MACROD2: variants seen among roughly 807,000 people sequenced by gnomAD.
MACROD2 encodes mono-ADP ribosylhydrolase 2.
A neutral mutation model predicts 70.4 loss-of-function variants in MACROD2; 36 were observed. The ratio of observed to expected loss-of-function variants is 0.51; its 90% CI spans 0.39 to 0.68. The LOEUF (loss-of-function observed/expected upper bound fraction) is 0.68, where lower values mean the gene tolerates loss of function less well. Among genes scored for constraint, MACROD2 ranks in the 30% least tolerant of loss-of-function variants. The pLI is 0.00. For synonymous variants in MACROD2, 172 were observed against 178.8 expected (o/e 0.96, Z 0.30); for missense variants, 496 against 538.4 (o/e 0.92, Z 0.78).
At chr20:15,897,971 A>C (rs6135594) in intron 10 of MACROD2, among the ~76,000 whole-genome samples, 8,041 of 152,256 alleles carry the variant, frequency 0.053, 370 homozygotes, top group East Asian at 0.24. Flanking sequence ...TTTCTAAGAT[A>C]CCTGAAGATA....
At chr20:14,545,059 C>T (rs1176244704) in intron 4 of MACROD2, among the ~76,000 whole-genome samples, 1 of 152,096 alleles carries the variant, frequency 6.6e-6, no homozygotes, top group Non-Finnish European at 1.5e-5. Flanking sequence ...ACGATGAGAC[C>T]ACTTGATGAA....
intron 4 of MACROD2, among the ~76,000 whole-genome samples, chr20:14,623,715 C>T (rs1983967289): frequency 6.6e-6 from 1 of 152,118 alleles, no homozygotes; most frequent in Non-Finnish European, 1.5e-5. Flanking sequence ...TGGTAGCCAT[C>T]CTCTGTTGTC....
chr20:15,709,180 AG>A (rs2146912059), intron 8 of MACROD2, among the ~76,000 whole-genome samples: 1 of 152,214 alleles, frequency 6.6e-6, no homozygotes, highest in South Asian at 2.1e-4. Context: ...CATGCAGAGG[AG>A]GAACCACCAG....
At chr20:15,198,763 T>C (rs2076628957) in intron 5 of MACROD2, among the ~76,000 whole-genome samples, 1 of 152,180 alleles carries the variant, frequency 6.6e-6, no homozygotes, top group Non-Finnish European at 1.5e-5. Context: ...AATTTACATT[T>C]ACAAAGTTAT....
At chr20:14,259,431 A>G (rs2082084525) in intron 3 of MACROD2, among the ~76,000 whole-genome samples, 1 of 152,038 alleles carries the variant, frequency 6.6e-6, no homozygotes, top group African/African-American at 2.4e-5. Flanking sequence ...ATCCTTTGGG[A>G]GCTATTTTGC....
At chr20:15,566,385 C>T (rs180930947) in intron 8 of MACROD2, among the ~76,000 whole-genome samples, 3 of 151,504 alleles carry the variant, frequency 2.0e-5, no homozygotes, top group Admixed American at 1.3e-4. Flanking sequence ...GTAATCCCAG[C>T]TACTCGGGAG....
intron 8 of MACROD2, among the ~76,000 whole-genome samples, chr20:15,738,325 T>C (rs2051055349): frequency 6.6e-6 from 1 of 151,952 alleles, no homozygotes; most frequent in Non-Finnish European, 1.5e-5. Context: ...ACACCTACTA[T>C]GTAAAAAAGA....
intron 5 of MACROD2, among the ~76,000 whole-genome samples, chr20:15,044,286 C>G (rs923905979): frequency 2.0e-5 from 3 of 152,152 alleles, no homozygotes; most frequent in Admixed American, 6.5e-5. Flanking sequence ...CTTCTTACTC[C>G]TATCACTCAG....
intron 8 of MACROD2, among the ~76,000 whole-genome samples, chr20:15,756,790 A>G (rs1449998566): frequency 1.3e-5 from 2 of 152,336 alleles, no homozygotes; most frequent in Admixed American, 1.3e-4. Context: ...AGTCTTTACT[A>G]TTAAGGTGAG....
At chr20:14,083,873 G>A (rs1467670547) in intron 2 of MACROD2, among the ~76,000 whole-genome samples, 1 of 151,540 alleles carries the variant, frequency 6.6e-6, no homozygotes, top group African/African-American at 2.4e-5. Context: ...GAGGTCAGGA[G>A]ATGGAGACCA....
At chr20:14,333,937 T>C (rs2122627534) in intron 3 of MACROD2, among the ~76,000 whole-genome samples, 1 of 152,328 alleles carries the variant, frequency 6.6e-6, no homozygotes, top group South Asian at 2.1e-4. Context: ...CCTCGGTAAC[T>C]TGTGCACATG....
chr20:14,703,893 A>AT (rs1445284860), intron 5 of MACROD2, among the ~76,000 whole-genome samples: 2 of 151,508 alleles, frequency 1.3e-5, no homozygotes, highest in Non-Finnish European at 1.5e-5. Context: ...CACCTGGCTA[A>AT]TTTTTTGTAT....
chr20:15,522,863 G>T (rs2047671416), intron 8 of MACROD2, among the ~76,000 whole-genome samples: 1 of 152,166 alleles, frequency 6.6e-6, no homozygotes, highest in South Asian at 2.1e-4. Flanking sequence ...CTAGGAGACG[G>T]AGAGTTTTAT....
chr20:15,280,958 G>T (rs8121188), intron 6 of MACROD2: 13,006 of 152,282 alleles, frequency 0.085, 705 homozygotes, highest in African/African-American at 0.14. Flanking sequence ...TCATAGTTTT[G>T]CATTGCTAGG....
intron 10 of MACROD2, among the ~76,000 whole-genome samples, chr20:15,921,058 A>G (rs1237501757): frequency 1.3e-5 from 2 of 152,040 alleles, no homozygotes; most frequent in African/African-American, 4.8e-5. Context: ...TGGGTCTTTC[A>G]TGCTATTACA....
At chr20:14,650,660 A>G (rs892623546) in intron 4 of MACROD2, among the ~76,000 whole-genome samples, 64 of 152,342 alleles carry the variant, frequency 4.2e-4, no homozygotes, top group African/African-American at 1.4e-3. Flanking sequence ...CATAACCTTA[A>G]TGGAGATTAG....
chr20:14,614,066 A>G (rs1983326990), intron 4 of MACROD2, among the ~76,000 whole-genome samples: 1 of 152,124 alleles, frequency 6.6e-6, no homozygotes, highest in Admixed American at 6.6e-5. Context: ...AAATTAGTTT[A>G]CTTTTCATGC....
intron 8 of MACROD2, among the ~76,000 whole-genome samples, chr20:15,819,819 A>G (rs181259923): frequency 9.2e-5 from 14 of 152,262 alleles, no homozygotes. Flanking sequence ...TGGCAGATAT[A>G]TAGAATGAAC....
intron 5 of MACROD2, among the ~76,000 whole-genome samples, chr20:15,027,492 A>G (rs752070436): frequency 2.6e-5 from 4 of 151,214 alleles, no homozygotes; most frequent in Non-Finnish European, 4.4e-5. Context: ...TAGATGAGAC[A>G]CTTAATCTAT....
Sources: gnomAD v4.1 joint callset for allele counts (sites outside exome capture counted in the v4.1 genomes callset) on GRCh38, gnomAD v4.1.1 for gene constraint, MANE v1.5 for transcripts, NCBI Gene and HGNC (gene_info 2026-07-23, HGNC 2026-07-21) for gene names.